VPS37A: variants seen among roughly 807,000 people sequenced by gnomAD.
VPS37A encodes vacuolar protein sorting-associated protein 37A.
VPS37A carries 30 observed loss-of-function variants against 49.8 expected under a neutral mutation model. That is an observed-to-expected ratio of 0.60 (90% CI 0.45 to 0.82). The LOEUF is 0.82. Ranked by LOEUF, VPS37A falls within the 40% of genes least tolerant of loss-of-function variation. VPS37A has a pLI of 0.00. For missense variants in VPS37A, 593 were observed against 464.4 expected, an observed-to-expected ratio of 1.28 and a Z score of -2.55; for synonymous variants, 195 against 160.6, an observed-to-expected ratio of 1.21 and a Z score of -1.62.
chr8:17,247,379 C>T lies in VPS37A; in HGVS notation c.125+10C>T. 3 of 1,367,312 alleles carry T rather than the reference C, an allele frequency of 2.2e-6. No homozygotes were observed. The highest frequency in any genetic ancestry group is 2.9e-6 in the Non-Finnish European group (3 of 1,029,436). 84.7% of individuals were successfully genotyped at this position (1,367,312 alleles called of 1,614,324 possible). On this transcript the variant is annotated intron_variant, in intron 1 of 11. Transcript: ENST00000324849. Reference sequence around the variant, plus strand: ...GGAACTCACACTCCAGGTGACTGGTCGCTGCCTCTCCACCGGAGGAAAAAG... The same window carrying T: ...GGAACTCACACTCCAGGTGACTGGTTGCTGCCTCTCCACCGGAGGAAAAAG...
chr8:17,298,789 A>T (rs2285271), downstream of VPS37A: 7 of 152,214 alleles, frequency 4.6e-5, no homozygotes, highest in African/African-American at 1.7e-4. Context: ...TAGGGGAGGG[A>T]CTCTCCCTTA....
chr8:17,304,204 C>G (rs117093828), downstream of VPS37A, among the ~76,000 whole-genome samples: 749 of 152,226 alleles, frequency 4.9e-3, 7 homozygotes, highest in Middle Eastern at 0.014. Flanking sequence ...AATAAAGAGG[C>G]AGAGGAGTCA....
chr8:17,332,383 G>T, the VPS37A span, among the ~76,000 whole-genome samples: 4 of 152,258 alleles, frequency 2.6e-5, no homozygotes, highest in African/African-American at 9.6e-5. Flanking sequence ...GCCCAAGAAT[G>T]TTTATTGAAA....
intron 11 of VPS37A, among the ~76,000 whole-genome samples, chr8:17,290,260 G>A (rs896604102): frequency 6.6e-6 from 1 of 151,836 alleles, no homozygotes; most frequent in African/African-American, 2.4e-5. Context: ...TCTTGTGCCA[G>A]TTTTCAAAGG....
intron 9 of VPS37A, among the ~76,000 whole-genome samples, chr8:17,282,765 C>T (rs545574352): frequency 2.0e-5 from 3 of 152,028 alleles, no homozygotes; most frequent in African/African-American, 7.2e-5. Context: ...CACACACACA[C>T]AAAACAATGA....
chr8:17,292,600 G>A (rs529825086), intron 11 of VPS37A, among the ~76,000 whole-genome samples: 2 of 152,312 alleles, frequency 1.3e-5, no homozygotes, highest in East Asian at 3.9e-4. Flanking sequence ...GCTGGTACCA[G>A]TTATTCCTTT....
At position 17,270,944 on chromosome 8, in the gene VPS37A, T is replaced by C. The variant is rs193121841; in HGVS notation, c.416+1988T>C. Among the ~76,000 whole-genome samples, 199 of 152,224 alleles carry C rather than the reference T, an allele frequency of 1.3e-3. 3 individuals carry two copies. In the East Asian group the frequency reaches 0.03, roughly 23 times the overall value. On this transcript the variant is annotated intron_variant, in intron 4 of 11. Coordinates refer to ENST00000324849, the MANE Select transcript of VPS37A (RefSeq NM_152415.3). ...AGACAACGGAATTAAAGAGACAAGG[T>C]AGCTGCCCCTCACACACCCACTGTA...
At chr8:17,301,557 A>G (rs1422228558), downstream of VPS37A, 2 of 152,264 alleles carry the variant, frequency 1.3e-5, no homozygotes, top group Non-Finnish European at 2.9e-5. Context: ...ACTTTGTAAT[A>G]AGGAAGAGCC....
In VPS37A at chr8:17,268,838, A is replaced by G. The variant is rs1464466052; in HGVS notation, c.316-18A>G. ...TTTTCTGGAAGTGATTTTAAGCGTC[A>G]TGTATTGTTACTTTCAGTTTACAAT... On this transcript the variant is annotated intron_variant, in intron 3 of 11. Coordinates refer to ENST00000324849, the MANE Select transcript of VPS37A (RefSeq NM_152415.3). The G allele has an allele frequency of 6.0e-6, 9 of 1,509,426 alleles. 1 individual carries two copies. The East Asian group carries it at 2.0e-4, about 34-fold the overall frequency. 93.5% of individuals were successfully genotyped at this position (1,509,426 alleles called of 1,614,324 possible). A position where few individuals can be genotyped will look rare whatever the true frequency, so the allele number is the denominator to read the frequency against.
chr8:17,325,387 C>A, the VPS37A span, among the ~76,000 whole-genome samples: 1 of 152,208 alleles, frequency 6.6e-6, no homozygotes. Context: ...CGTGGAAGAA[C>A]AGATCGGGTA....
rs564871926 is a variant in VPS37A at position 17,263,502 on chromosome 8, ATACT to A, written c.126-2402_126-2399del. Among the ~76,000 whole-genome samples, 5 of 143,568 alleles carry A rather than the reference ATACT, an allele frequency of 3.5e-5. No individual in the cohort carries two copies. In the South Asian group the frequency reaches 6.8e-4, roughly 19 times the overall value. 94.2% of individuals were successfully genotyped at this position (143,568 alleles called of 152,430 possible). ...TAAGTATCACCTTCTGTTATTTGTG[ATACT>A]TAGTTTGTGAAGAAAACTCATAAAA... On this transcript the variant is annotated intron_variant, in intron 1 of 11. Coordinates refer to ENST00000324849, the MANE Select transcript of VPS37A (RefSeq NM_152415.3).
At chr8:17,248,567 C>T (rs1811659186) in intron 1 of VPS37A, 1 of 306,034 alleles carries the variant, frequency 3.3e-6, no homozygotes, top group South Asian at 2.5e-5. Flanking sequence ...TAAGCCACCT[C>T]GCCGGGCTCC....
At chr8:17,258,354 A>T (rs1045543476) in intron 1 of VPS37A, among the ~76,000 whole-genome samples, 1 of 152,084 alleles carries the variant, frequency 6.6e-6, no homozygotes, top group Non-Finnish European at 1.5e-5. Context: ...TTGTAATCAC[A>T]AAGGATTTTA....
intron 6 of VPS37A, among the ~76,000 whole-genome samples, chr8:17,278,554 C>G (rs1184543739): frequency 6.6e-6 from 1 of 152,042 alleles, no homozygotes; most frequent in African/African-American, 2.4e-5. Flanking sequence ...TCGTTTTTGG[C>G]AAAGTGAAGA....
the VPS37A span, among the ~76,000 whole-genome samples, chr8:17,323,952 G>A: frequency 6.6e-6 from 1 of 152,140 alleles, no homozygotes. Context: ...TCTTTGAACT[G>A]TCTCAGTGCA....
intron 4 of VPS37A, chr8:17,272,004 T>C: frequency 2.2e-6 from 1 of 456,742 alleles, no homozygotes; most frequent in South Asian, 1.5e-5. Context: ...CAGCTAGAAA[T>C]CAGGTGGCAC....
At chr8:17,322,250 G>A in the VPS37A span, among the ~76,000 whole-genome samples, 1 of 152,208 alleles carries the variant, frequency 6.6e-6, no homozygotes, top group African/African-American at 2.4e-5. Context: ...ACCAGGTGAA[G>A]CCATTCAAAG....
At chr8:17,294,395 G>C (rs371394640) in intron 11 of VPS37A, among the ~76,000 whole-genome samples, 29 of 152,322 alleles carry the variant, frequency 1.9e-4, no homozygotes, top group African/African-American at 7.0e-4. Context: ...AGACTCCATA[G>C]GGGTGGGATC....
At chr8:17,299,566 C>A (rs1586120699), downstream of VPS37A, 1 of 312,626 alleles carries the variant, frequency 3.2e-6, no homozygotes, top group Non-Finnish European at 6.0e-6. Flanking sequence ...AAGATAGATA[C>A]TGATCACTTC....
Sources: allele counts gnomAD v4.1 joint callset (sites outside exome capture counted in the v4.1 genomes callset), GRCh38; gene constraint gnomAD v4.1.1; transcripts MANE v1.5; gene names NCBI Gene and HGNC (gene_info 2026-07-23, HGNC 2026-07-21).